STAG1: variants seen among roughly 807,000 people sequenced by gnomAD.
STAG1 encodes cohesin subunit SA-1.
In STAG1, 26 loss-of-function variants were observed where a neutral mutation model predicts 170.9. The observed-to-expected ratio is 0.15, with a 90% confidence interval of 0.11 to 0.21. The LOEUF is 0.21. Among genes scored for constraint, STAG1 ranks in the 10% least tolerant of loss-of-function variants. The probability of loss-of-function intolerance (pLI) is 1.00; values close to 1 mark genes in which losing one functional copy is unlikely to be tolerated. For synonymous variants in STAG1, 514 were observed against 497.7 expected (o/e 1.03, Z -0.44); for missense variants, 964 against 1,509.5 (o/e 0.64, Z 5.99).
chr3:136,422,112 C>A (rs2087975596), intron 19 of STAG1, among the ~76,000 whole-genome samples: 1 of 148,346 alleles, frequency 6.7e-6, no homozygotes, highest in African/African-American at 2.5e-5. Flanking sequence ...TGAGATCGTG[C>A]CACTGCACTC....
At chr3:136,672,691 C>CGGAG (rs1466350708) in intron 1 of STAG1, among the ~76,000 whole-genome samples, 2 of 152,112 alleles carry the variant, frequency 1.3e-5, no homozygotes, top group Non-Finnish European at 2.9e-5. Context: ...TTAACCACTC[C>CGGAG]ACTCCACCCC....
intron 22 of STAG1, among the ~76,000 whole-genome samples, chr3:136,396,673 G>A (rs1008693297): frequency 2.2e-4 from 33 of 150,930 alleles, no homozygotes; most frequent in Non-Finnish European, 3.1e-4. Context: ...GACTACAGGC[G>A]CCTGCCACCA....
intron 13 of STAG1, among the ~76,000 whole-genome samples, chr3:136,459,123 CAGG>C (rs764380185): frequency 6.6e-6 from 1 of 151,012 alleles, no homozygotes; most frequent in Non-Finnish European, 1.5e-5. Context: ...GAGGCTGAGG[CAGG>C]AGAACTGCTT....
At chr3:136,510,613 GT>G (rs869278058) in intron 7 of STAG1, among the ~76,000 whole-genome samples, 253 of 131,082 alleles carry the variant, frequency 1.9e-3, no homozygotes, top group Admixed American at 2.4e-3. Context: ...GGATGTCTTT[GT>G]TTTTTTTTTT....
chr3:136,663,489 CAGTT>C (rs1433423319), intron 1 of STAG1, among the ~76,000 whole-genome samples: 1 of 152,166 alleles, frequency 6.6e-6, no homozygotes, highest in African/African-American at 2.4e-5. Flanking sequence ...ATGACCCAAT[CAGTT>C]AGCACCAGAG....
chr3:136,417,376 T>C (rs1396821234), intron 21 of STAG1, among the ~76,000 whole-genome samples: 2 of 152,202 alleles, frequency 1.3e-5, no homozygotes, highest in African/African-American at 2.4e-5. Context: ...AGAGTAATTA[T>C]TCTACTGAAG....
intron 1 of STAG1, among the ~76,000 whole-genome samples, chr3:136,648,312 C>T (rs1437746064): frequency 6.6e-6 from 1 of 152,186 alleles, no homozygotes; most frequent in Admixed American, 6.5e-5. Context: ...ACTCCCCAAT[C>T]CTTGCTCCTC....
chr3:136,524,074 G>A (rs1281731920), intron 6 of STAG1, among the ~76,000 whole-genome samples: 2 of 152,166 alleles, frequency 1.3e-5, no homozygotes, highest in Non-Finnish European at 1.5e-5. Context: ...TCTTGGCAAT[G>A]CGGGCTCTTT....
Position 136,589,569 on chromosome 3 carries a change from G to A in STAG1, c.297+14740C>T, listed in dbSNP as rs1012680496. On this transcript the variant is annotated intron_variant, in intron 4 of 33. Transcript: ENST00000383202. ...GCAGAATCACTTAAACCCAGGAGGC[G>A]GAGGTTGCAGTGAGCCAAGATCGTG... 4.0e-5 allele frequency among the ~76,000 whole-genome samples: 6 copies of A among 150,210 alleles called. No individual in the cohort carries two copies. In the South Asian group the frequency reaches 8.5e-4, roughly 21 times the overall value.
chr3:136,522,119 T>C (rs945893296), intron 6 of STAG1, among the ~76,000 whole-genome samples: 6 of 152,190 alleles, frequency 3.9e-5, no homozygotes, highest in Non-Finnish European at 5.9e-5. Flanking sequence ...GAAATGGAAA[T>C]TAACAAGGTA....
At chr3:136,569,068 T>C (rs1017124862) in intron 4 of STAG1, among the ~76,000 whole-genome samples, 7 of 152,136 alleles carry the variant, frequency 4.6e-5, no homozygotes, top group Admixed American at 2.6e-4. Context: ...TTTCAAAGAT[T>C]TGTTTACAAT....
intron 4 of STAG1, among the ~76,000 whole-genome samples, chr3:136,571,170 G>C (rs1304285757): frequency 6.6e-6 from 1 of 152,172 alleles, no homozygotes. Context: ...AGTCTGAGTA[G>C]AATTTTAATT....
rs142866222 is a variant in STAG1 at position 136,660,731 on chromosome 3, G to A, written c.-83-29750C>T. ...CACCTGTAATCCCAGCACTTTGGGAGGCTAAGGTGGGAGAATCACTTGAGC... is the reference window on the plus strand; with the variant it reads ...CACCTGTAATCCCAGCACTTTGGGAAGCTAAGGTGGGAGAATCACTTGAGC... On this transcript the variant is annotated intron_variant, in intron 1 of 33. Transcript: ENST00000383202. 1.7e-3 allele frequency among the ~76,000 whole-genome samples: 261 copies of A among 152,168 alleles called. 1 individual carries two copies. The highest frequency in any genetic ancestry group is 5.9e-3 in the African/African-American group (246 of 41,508).
chr3:136,521,562 CTTTA>C (rs1282802727), intron 6 of STAG1, 145 bp from the exon 7 acceptor site: 5 of 612,066 alleles, frequency 8.2e-6, no homozygotes, highest in Non-Finnish European at 1.4e-5. Flanking sequence ...CATTTGATTG[CTTTA>C]TTTCTCTTTG....
At position 136,338,421 on chromosome 3, in the gene STAG1, A is replaced by T. The variant is rs1343480428; in HGVS notation, c.3702T>A (p.Ala1234=). 2 of 1,613,764 alleles carry T rather than the reference A, an allele frequency of 1.2e-6. No homozygotes were observed. The highest frequency in any genetic ancestry group is 2.2e-5 in the East Asian group (1 of 44,852). ...LPPSRNRRER[A]ELRPDFFDSA... ...AGTCAAAGAAGTCTGGCCTTAGCTC[A>T]GCTCTCTCTCGCCGATTTCTTGATG... Residue 1234 remains alanine, a synonymous_variant, in exon 33 of 34, where the codon GCT becomes GCA. Transcript: ENST00000383202.
intron 22 of STAG1, among the ~76,000 whole-genome samples, chr3:136,393,962 T>C (rs917385060): frequency 2.6e-5 from 4 of 152,132 alleles, no homozygotes; most frequent in African/African-American, 9.7e-5. Context: ...AGTGCAGTGA[T>C]GCAATCTTGG....
chr3:136,590,733 TA>T (rs1268612478), intron 4 of STAG1, among the ~76,000 whole-genome samples: 1 of 152,162 alleles, frequency 6.6e-6, no homozygotes, highest in African/African-American at 2.4e-5. Flanking sequence ...GCTGAATCTC[TA>T]AAGGGGTTCA....
chr3:136,587,541 C>CAAAAA (rs747339467), intron 4 of STAG1, among the ~76,000 whole-genome samples: 9 of 60,746 alleles, frequency 1.5e-4, no homozygotes, highest in African/African-American at 2.2e-4. Flanking sequence ...AACTCCATCT[C>CAAAAA]AAAAAAAAAA....
intron 22 of STAG1, among the ~76,000 whole-genome samples, chr3:136,381,326 A>C (rs1937948713): frequency 6.6e-6 from 1 of 152,224 alleles, no homozygotes; most frequent in Non-Finnish European, 1.5e-5. Flanking sequence ...ATGACAAAGA[A>C]GAGCTTATGA....
Sources: allele counts gnomAD v4.1 joint callset (sites outside exome capture counted in the v4.1 genomes callset), GRCh38; gene constraint gnomAD v4.1.1; transcripts MANE v1.5; gene names NCBI Gene and HGNC (gene_info 2026-07-23, HGNC 2026-07-21).